CTHRC1: variants seen among roughly 807,000 people sequenced by gnomAD.
The protein encoded by CTHRC1 is collagen triple helix repeat containing 1.
A neutral mutation model predicts 25.9 loss-of-function variants in CTHRC1; 21 were observed. The observed-to-expected ratio is 0.81, with a 90% CI of 0.57 to 1.17. The LOEUF is 1.17. CTHRC1 is among the 50% of genes most tolerant of loss of function. CTHRC1 has a pLI of 0.00. For missense variants in CTHRC1, 281 were observed against 304.3 expected (o/e 0.92, Z 0.57); for synonymous variants, 109 against 113.1 (o/e 0.96, Z 0.23).
intron 2 of CTHRC1, among the ~76,000 whole-genome samples, chr8:103,377,576 C>G (rs143676773): frequency 1.1e-4 from 17 of 152,028 alleles, no homozygotes; most frequent in African/African-American, 4.1e-4. Flanking sequence ...AAATCTCCCT[C>G]CCTCTATAAA....
intron 1 of CTHRC1, chr8:103,372,615 G>A: frequency 6.3e-7 from 1 of 1,598,294 alleles, no homozygotes. Flanking sequence ...CAGGAAACTG[G>A]AAATGAACGG....
chr8:103,380,023 T>A (rs994729294), intron 3 of CTHRC1, among the ~76,000 whole-genome samples: 1 of 152,190 alleles, frequency 6.6e-6, no homozygotes, highest in Non-Finnish European at 1.5e-5. Context: ...CTCTTTGTAA[T>A]CAGATTAAAA....
At chr8:103,372,523 CTG>C in intron 1 of CTHRC1, 1 of 1,598,188 alleles carries the variant, frequency 6.3e-7, no homozygotes, top group Non-Finnish European at 8.5e-7. Flanking sequence ...AATGGGCAGT[CTG>C]TCATTACACA....
intron 1 of CTHRC1, among the ~76,000 whole-genome samples, chr8:103,373,707 T>C (rs974753640): frequency 1.4e-5 from 2 of 147,446 alleles, no homozygotes; most frequent in Non-Finnish European, 3.0e-5. Context: ...TAGATGCCAG[T>C]AGCAATCCCC....
In CTHRC1 at chr8:103,375,780, C is replaced by CGAGA. The variant is rs1366245283; in HGVS notation, c.194_197dup (p.Asp66GlufsTer35). ...ACAAGGGCCAGCAGGAGTGCCTGGT[C>CGAGA]GAGACGGGAGCCCTGGGGCCAATGG... On this transcript the variant is annotated frameshift_variant, in exon 2 of 4. Coordinates refer to ENST00000330295, the MANE Select transcript of CTHRC1 (RefSeq NM_138455.4). LOFTEE classifies it high-confidence loss of function. 10 of 1,613,810 alleles carry CGAGA rather than the reference C, an allele frequency of 6.2e-6. No homozygotes were observed. The highest frequency in any genetic ancestry group is 1.3e-5 in the African/African-American group (1 of 74,830).
intron 1 of CTHRC1, among the ~76,000 whole-genome samples, chr8:103,373,947 GAATTA>G (rs1586551387): frequency 1.3e-5 from 2 of 152,090 alleles, no homozygotes; most frequent in African/African-American, 2.4e-5. Flanking sequence ...TTGTGAGAGT[GAATTA>G]AATTACTAAA....
Position 103,376,136 on chromosome 8 carries a change from A to G in CTHRC1, c.372+177A>G, listed in dbSNP as rs897911328. 9.0e-5 allele frequency: 57 copies of G among 636,324 alleles called. No homozygotes were observed. The Admixed American group carries it at 1.6e-3, about 18-fold the overall frequency. 39.4% of individuals were successfully genotyped at this position (636,324 alleles called of 1,614,324 possible). A position where few individuals can be genotyped will look rare whatever the true frequency, so the allele number is the denominator to read the frequency against. The stretch of plus-strand genomic sequence containing the variant: ...AGTTTATAACATTTCAGAATTTCAT[A>G]GAGATATTTCTAAGACAAATGCTTA... On this transcript the variant is annotated intron_variant, in intron 2 of 3. Coordinates refer to ENST00000330295, the MANE Select transcript of CTHRC1 (RefSeq NM_138455.4).
chr8:103,376,928 G>A (rs992411088), intron 2 of CTHRC1, among the ~76,000 whole-genome samples: 1 of 152,152 alleles, frequency 6.6e-6, no homozygotes, highest in African/African-American at 2.4e-5. Flanking sequence ...TTGTTAAAAT[G>A]TTCCCTAGTT....
rs1235167234 is a variant in CTHRC1 at position 103,371,776 on chromosome 8, G to A, written c.120G>A (p.Ala40=). 2.0e-6 allele frequency: 3 copies of A among 1,533,848 alleles called. No individual in the cohort carries two copies. Among genetic ancestry groups the A allele is most frequent in the African/African-American group, 2.8e-5 (2 of 70,762 alleles). ...AGATCCCCAAGGGGAAGCAAAAGGCGCAGCTCCGGCAGAGGGAGGTGGTGG... is the reference window on the plus strand; with the variant it reads ...AGATCCCCAAGGGGAAGCAAAAGGCACAGCTCCGGCAGAGGGAGGTGGTGG... ...ASEIPKGKQK[A]QLRQREVVDL... is the part of the protein sequence containing the mutation. The change falls in exon 1 of 4, where the codon GCG becomes GCA. Residue 40 remains alanine, a synonymous_variant. Transcript: ENST00000330295.
Position 103,371,774 on chromosome 8 carries a change from G to A in CTHRC1, c.118G>A (p.Ala40Thr), listed in dbSNP as rs779641659. Residue 40 changes from alanine to threonine, a missense_variant, in exon 1 of 4, where the codon GCG becomes ACG. Coordinates refer to ENST00000330295, the MANE Select transcript of CTHRC1 (RefSeq NM_138455.4). ...TGAGATCCCCAAGGGGAAGCAAAAG[G>A]CGCAGCTCCGGCAGAGGGAGGTGGT... ...ASEIPKGKQK[A>T]QLRQREVVDL... 196 of 1,534,526 alleles carry A rather than the reference G, an allele frequency of 1.3e-4. No individual in the cohort carries two copies. Among genetic ancestry groups the A allele is most frequent in the Non-Finnish European group, 1.6e-4 (183 of 1,140,308 alleles).
At chr8:103,374,075 TC>T (rs1317771519) in intron 1 of CTHRC1, among the ~76,000 whole-genome samples, 4 of 152,242 alleles carry the variant, frequency 2.6e-5, no homozygotes, top group African/African-American at 9.6e-5. Flanking sequence ...CTTTTTCTTT[TC>T]TTTTTTTTAA....
At position 103,378,200 on chromosome 8, in the gene CTHRC1, C is replaced by T. The variant is rs1815843947; in HGVS notation, c.546C>T (p.Ser182=). 6.2e-7 allele frequency: 1 copy of T among 1,614,016 alleles called. No homozygotes were observed. Among genetic ancestry groups the T allele is most frequent in the Non-Finnish European group, 8.5e-7 (1 of 1,179,998 alleles). Reference sequence around the variant, plus strand: ...CTATAATTTATTTGGACCAAGGAAGCCCTGAAATGAATTCAACAATTAATA... The same window carrying T: ...CTATAATTTATTTGGACCAAGGAAGTCCTGAAATGAATTCAACAATTAATA... ...IEAIIYLDQG[S]PEMNSTINIH... Residue 182 remains serine (S), a synonymous_variant, in exon 3 of 4, where the codon AGC becomes AGT. Transcript: ENST00000330295.
intron 1 of CTHRC1, chr8:103,372,567 A>G (rs766177216): frequency 2.5e-6 from 4 of 1,598,386 alleles, no homozygotes; most frequent in African/African-American, 1.3e-5. Context: ...GCCGCCAGGT[A>G]GGAGCATCAC....
At position 103,382,862 on chromosome 8, in the gene CTHRC1, G is replaced by A; in HGVS notation, c.*262G>A. The A allele has an allele frequency of 2.7e-6, 1 of 377,196 alleles. No individual in the cohort carries two copies. The highest frequency in any genetic ancestry group is 2.8e-5 in the South Asian group (1 of 35,330). 23.4% of individuals were successfully genotyped at this position (377,196 alleles called of 1,614,324 possible). On this transcript the variant is annotated 3_prime_UTR_variant, in exon 4 of 4. Transcript: ENST00000330295. ...CTCTCAACCTATAATTTGGAATATT[G>A]TTGTGGTCTTTTGTTTTTTCTCTTA...
chr8:103,380,173 G>A (rs1425657476), intron 3 of CTHRC1, among the ~76,000 whole-genome samples: 1 of 152,224 alleles, frequency 6.6e-6, no homozygotes, highest in Non-Finnish European at 1.5e-5. Flanking sequence ...GACAGTCGTT[G>A]ATATAAGCAA....
Position 103,382,502 on chromosome 8 carries a change from G to A in CTHRC1, c.634G>A (p.Ala212Thr), listed in dbSNP as rs777739644. The A allele has an allele frequency of 4.3e-6, 7 of 1,613,680 alleles. No homozygotes were observed. Among genetic ancestry groups the A allele is most frequent in the Non-Finnish European group, 5.9e-6 (7 of 1,179,678 alleles). The change falls in exon 4 of 4, where the codon GCT (alanine) becomes ACT (threonine). Residue 212 changes from alanine (A) to threonine (T), a missense_variant. Coordinates refer to ENST00000330295, the MANE Select transcript of CTHRC1 (RefSeq NM_138455.4). ...EGIGAGLVDV[A>T]IWVGTCSDYP... ...AATTGGTGCTGGATTAGTGGATGTTGCTATCTGGGTTGGTACTTGTTCAGA... is the reference window on the plus strand; with the variant it reads ...AATTGGTGCTGGATTAGTGGATGTTACTATCTGGGTTGGTACTTGTTCAGA...
intron 3 of CTHRC1, among the ~76,000 whole-genome samples, chr8:103,382,112 C>A (rs3133800): frequency 0.084 from 12,780 of 152,056 alleles, 587 homozygotes; most frequent in South Asian, 0.16. Flanking sequence ...AAAGTCTTGG[C>A]TTTTAAAAGT....
chr8:103,376,648 T>G (rs1160205476), intron 2 of CTHRC1, among the ~76,000 whole-genome samples: 2 of 152,242 alleles, frequency 1.3e-5, no homozygotes, highest in African/African-American at 4.8e-5. Context: ...GCCTCTTTTC[T>G]CTGTTGATGA....
In CTHRC1 at chr8:103,373,047, T is replaced by C. The variant is rs1815738518; in HGVS notation, c.150+1241T>C. On this transcript the variant is annotated intron_variant, in intron 1 of 3. Transcript: ENST00000330295. The stretch of plus-strand genomic sequence containing the variant: ...GGACTATGTGTTCAGGCAACAGTTC[T>C]ATTTTAAGTGTCCAAATTATTAAAA... Among the ~76,000 whole-genome samples the C allele has an allele frequency of 3.3e-5, 5 of 152,234 alleles. No homozygotes were observed. The South Asian group carries it at 1.0e-3, about 32-fold the overall frequency.
Sources: gnomAD v4.1 joint callset for allele counts (sites outside exome capture counted in the v4.1 genomes callset) on GRCh38, gnomAD v4.1.1 for gene constraint, MANE v1.5 for transcripts, NCBI Gene and HGNC (gene_info 2026-07-23, HGNC 2026-07-21) for gene names.